Variants in THOC5 observed in about 807,000 individuals in gnomAD.
THOC5 encodes the protein THO complex subunit 5.
A neutral mutation model predicts 92.9 loss-of-function variants in THOC5; 43 were observed. The ratio of observed to expected loss-of-function variants is 0.46; its 90% CI spans 0.36 to 0.60. The LOEUF is 0.60. Among genes scored for constraint, THOC5 ranks in the 20% least tolerant of loss-of-function variants. THOC5 has a pLI of 0.00. For synonymous variants in THOC5, 296 were observed against 320.1 expected (o/e 0.92, Z 0.80); for missense variants, 659 against 849.4 (o/e 0.78, Z 2.79).
At chr22:29,513,488 G>A (rs1416021577) in intron 17 of THOC5, among the ~76,000 whole-genome samples, 1 of 152,056 alleles carries the variant, frequency 6.6e-6, no homozygotes, top group Non-Finnish European at 1.5e-5. Flanking sequence ...TTGAGGTCAG[G>A]ACCAGCCCAG....
intron 14 of THOC5, 115 bp downstream of exon 14, chr22:29,519,893 C>G (rs1217484878): frequency 1.4e-6 from 1 of 703,256 alleles, no homozygotes; most frequent in Non-Finnish European, 2.2e-6. Flanking sequence ...CTCAGCCTCC[C>G]AAAGTACAAG....
intron 19 of THOC5, among the ~76,000 whole-genome samples, chr22:29,509,022 A>G (rs2063172104): frequency 6.6e-6 from 1 of 152,096 alleles, no homozygotes; most frequent in African/African-American, 2.4e-5. Flanking sequence ...TCCTGGCCTC[A>G]GGTCTCTTGC....
Position 29,531,871 on chromosome 22 carries a change from A to G in THOC5, c.807T>C (p.Tyr269=). The G allele has an allele frequency of 6.2e-6, 10 of 1,614,204 alleles. No individual in the cohort carries two copies. Among genetic ancestry groups the G allele is most frequent in the Non-Finnish European group, 8.5e-6 (10 of 1,180,040 alleles). ...ACGCAGTGGCCTGAACAAAGAGGACATAGAGGGGAGGCGGCAGGTGTCTGG... is the reference window on the plus strand; with the variant it reads ...ACGCAGTGGCCTGAACAAAGAGGACGTAGAGGGGAGGCGGCAGGTGTCTGG... The part of the protein sequence containing the change: ...ETARHLPPPL[Y]VLFVQATAYG... Residue 269 remains tyrosine (Y), a synonymous_variant, in exon 8 of 20, where the codon TAT becomes TAC. Coordinates refer to ENST00000490103, the MANE Select transcript of THOC5 (RefSeq NM_003678.5).
At chr22:29,516,448 C>T (rs1303037309) in intron 17 of THOC5, among the ~76,000 whole-genome samples, 1 of 152,224 alleles carries the variant, frequency 6.6e-6, no homozygotes, top group Non-Finnish European at 1.5e-5. Flanking sequence ...TTGAGGGTGT[C>T]AGATCCCACG....
At chr22:29,521,178 T>C (rs1231157422) in intron 12 of THOC5, 79 bp from the exon 13 acceptor site, 2 of 1,025,346 alleles carry the variant, frequency 2.0e-6, no homozygotes, top group African/African-American at 1.6e-5. Context: ...TTGGGGATGG[T>C]AATGCCACGT....
At chr22:29,541,734 G>T (rs1463878580) in intron 5 of THOC5, among the ~76,000 whole-genome samples, 1 of 148,970 alleles carries the variant, frequency 6.7e-6, no homozygotes, top group Non-Finnish European at 1.5e-5. Context: ...GGTGGCAAGC[G>T]CCTGTAGTCC....
chr22:29,512,966 G>C (rs1031971570), intron 17 of THOC5, among the ~76,000 whole-genome samples: 3 of 152,118 alleles, frequency 2.0e-5, no homozygotes, highest in African/African-American at 7.2e-5. Flanking sequence ...TTATTTTTAG[G>C]GGGGAGACTT....
At chr22:29,537,844 T>A (rs1352728556) in intron 6 of THOC5, among the ~76,000 whole-genome samples, 1 of 151,702 alleles carries the variant, frequency 6.6e-6, no homozygotes, top group Non-Finnish European at 1.5e-5. Context: ...CAAGCCGAGA[T>A]CACACCATTG....
At position 29,549,093 on chromosome 22, in the gene THOC5, C is replaced by A; in HGVS notation, c.55G>T (p.Ala19Ser). 2.5e-6 allele frequency: 4 copies of A among 1,614,148 alleles called. No individual in the cohort carries two copies. Among genetic ancestry groups the A allele is most frequent in the Non-Finnish European group, 3.4e-6 (4 of 1,180,028 alleles). Residue 19 changes from alanine (A) to serine (S), a missense_variant, in exon 2 of 20, where the codon GCC becomes TCC. Coordinates refer to ENST00000490103, the MANE Select transcript of THOC5 (RefSeq NM_003678.5). ...CGATTCCGCTTTCCTTCAGCTGGGG[C>A]TCCATCGCTTCGGATCACTTTGGGC... ...RKPKVIRSDG[A>S]PAEGKRNRSD... is the part of the protein sequence containing the mutation.
chr22:29,545,830 A>G (rs747160469), intron 2 of THOC5, among the ~76,000 whole-genome samples: 6 of 152,004 alleles, frequency 3.9e-5, no homozygotes, highest in Non-Finnish European at 8.8e-5. Flanking sequence ...TCGTGGATCT[A>G]CCATTCTAGG....
At chr22:29,510,433 C>G (rs1259952970) in intron 19 of THOC5, among the ~76,000 whole-genome samples, 2 of 152,032 alleles carry the variant, frequency 1.3e-5, no homozygotes, top group Non-Finnish European at 2.9e-5. Flanking sequence ...CCCATCTCTA[C>G]AAAAAAATTT....
At chr22:29,549,433 C>T (rs1471798258) in intron 1 of THOC5, among the ~76,000 whole-genome samples, 1 of 152,138 alleles carries the variant, frequency 6.6e-6, no homozygotes, top group African/African-American at 2.4e-5. Context: ...CCACATCCTG[C>T]TCCACACTCT....
intron 6 of THOC5, among the ~76,000 whole-genome samples, chr22:29,537,476 C>T (rs1037104349): frequency 2.2e-4 from 34 of 151,834 alleles, no homozygotes; most frequent in Middle Eastern, 3.2e-3. Context: ...CCCGTCTCTA[C>T]TAAAATACAA....
Position 29,544,587 on chromosome 22 carries a change from C to T in THOC5, c.113G>A (p.Ser38Asn). 4 of 1,612,350 alleles carry T rather than the reference C, an allele frequency of 2.5e-6. No individual in the cohort carries two copies. Among genetic ancestry groups the T allele is most frequent in the Non-Finnish European group, 3.4e-6 (4 of 1,179,118 alleles). The change falls in exon 3 of 20, where the codon AGT (serine) becomes AAT (asparagine). Residue 38 changes from serine to asparagine, a missense_variant. Physicochemically the swap from Ser to Asn is conservative, Grantham distance 46. Transcript: ENST00000490103. Reference sequence around the variant, plus strand: ...CCGCAGATCCACCTCGGCCTCCTCACTGTAGTATTTACCTTCCTGTAGAGG... The same window carrying T: ...CCGCAGATCCACCTCGGCCTCCTCATTGTAGTATTTACCTTCCTGTAGAGG... Reference protein sequence around the residue: ...SDTEQEGKYYSEEAEVDLRDP... With the variant: ...SDTEQEGKYYNEEAEVDLRDP...
At chr22:29,511,949 A>C (rs2063231524) in intron 18 of THOC5, 72 bp downstream of exon 18, 3 of 1,253,132 alleles carry the variant, frequency 2.4e-6, no homozygotes, top group Non-Finnish European at 2.3e-6. Context: ...CCTCAGCTGC[A>C]GTGGGTTCTG....
At chr22:29,540,992 G>A (rs1032397407) in intron 5 of THOC5, among the ~76,000 whole-genome samples, 12 of 152,116 alleles carry the variant, frequency 7.9e-5, no homozygotes, top group African/African-American at 2.4e-4. Context: ...CGAAATGGGT[G>A]CATCATCTGA....
chr22:29,528,416 T>C lies in THOC5; in HGVS notation c.966+10A>G. The C allele has an allele frequency of 6.2e-7, 1 of 1,613,866 alleles. No homozygotes were observed. On this transcript the variant is annotated intron_variant, in intron 10 of 19. Transcript: ENST00000490103. ...TGCTTGATGCCCCCACAAGAGGAAATGGTTCTCACCGTAGTCTGCTCCTCC... is the reference window on the plus strand; with the variant it reads ...TGCTTGATGCCCCCACAAGAGGAAACGGTTCTCACCGTAGTCTGCTCCTCC...
At chr22:29,508,566 CT>C in intron 19 of THOC5, 46 bp from the exon 20 acceptor site, 5 of 1,515,588 alleles carry the variant, frequency 3.3e-6, no homozygotes, top group Non-Finnish European at 4.6e-6. Context: ...ACCTTCTAGG[CT>C]GATAAAATAA....
At chr22:29,542,988 G>A (rs768278137) in intron 4 of THOC5, 32 bp from the exon 5 acceptor site, 5 of 1,538,630 alleles carry the variant, frequency 3.2e-6, no homozygotes, top group Admixed American at 1.7e-5. Context: ...AAGTGAGCAG[G>A]GCAAGTCAGG....
Sources: gnomAD v4.1 joint callset for allele counts (sites outside exome capture counted in the v4.1 genomes callset) on GRCh38, gnomAD v4.1.1 for gene constraint, MANE v1.5 for transcripts, NCBI Gene and HGNC (gene_info 2026-07-23, HGNC 2026-07-21) for gene names.